CLIP2: variants seen among roughly 807,000 people sequenced by gnomAD.
CLIP2 encodes CAP-Gly domain-containing linker protein 2.
In CLIP2, 41 loss-of-function variants were observed where a neutral mutation model predicts 111.7. That is an observed-to-expected ratio of 0.37 (90% confidence interval 0.29 to 0.48). CLIP2 has a LOEUF of 0.48. Ranked by LOEUF, CLIP2 falls within the 20% of genes least tolerant of loss-of-function variation. The pLI is 0.99. For synonymous variants in CLIP2, 660 were observed against 644.2 expected, an observed-to-expected ratio of 1.02 and a Z score of -0.37; for missense variants, 1,160 against 1,422.1, an observed-to-expected ratio of 0.82 and a Z score of 2.96.
At chr7:74,367,838 A>C (rs1554311084) in intron 8 of CLIP2, among the ~76,000 whole-genome samples, 1 of 152,104 alleles carries the variant, frequency 6.6e-6, no homozygotes, top group Admixed American at 6.6e-5. Context: ...GTGCTTTGGG[A>C]GCCTGAGACA....
intron 1 of CLIP2, among the ~76,000 whole-genome samples, chr7:74,304,084 T>TTC (rs1326901170): frequency 6.6e-6 from 1 of 151,764 alleles, no homozygotes; most frequent in East Asian, 1.9e-4. Context: ...TGGCTAATTT[T>TTC]TTTTTTTTAA....
At chr7:74,345,455 A>G (rs1009632879) in intron 3 of CLIP2, among the ~76,000 whole-genome samples, 132 of 150,186 alleles carry the variant, frequency 8.8e-4, no homozygotes, top group African/African-American at 3.1e-3. Context: ...ATGGTCTTGA[A>G]CTCCTGGCCT....
chr7:74,362,876 G>A (rs1301367005), intron 7 of CLIP2, among the ~76,000 whole-genome samples: 1 of 152,070 alleles, frequency 6.6e-6, no homozygotes, highest in Non-Finnish European at 1.5e-5. Flanking sequence ...GAAGGGGCCT[G>A]GGTGCAAGTC....
chr7:74,337,454 A>C (rs1789505430), intron 2 of CLIP2, among the ~76,000 whole-genome samples: 2 of 151,970 alleles, frequency 1.3e-5, no homozygotes, highest in African/African-American at 2.4e-5. Context: ...TAGGTCCCAC[A>C]TAGGGGCCAC....
At chr7:74,352,355 T>G (rs1253974550) in intron 3 of CLIP2, among the ~76,000 whole-genome samples, 3 of 149,618 alleles carry the variant, frequency 2.0e-5, no homozygotes, top group African/African-American at 7.4e-5. Flanking sequence ...GAGAATCACT[T>G]GAACTCGGGA....
rs542250719 is a variant in CLIP2 at position 74,364,633 on chromosome 7, A to G, written c.1380+318A>G. The stretch of plus-strand genomic sequence containing the variant: ...TCCCTTCTTCTTAGGCAATAGCCCT[A>G]AAGGTGCCCCTTCGTTCATCTTGGA... On this transcript the variant is annotated intron_variant, in intron 8 of 16. Coordinates refer to ENST00000223398, the MANE Select transcript of CLIP2 (RefSeq NM_003388.5). Among the ~76,000 whole-genome samples the G allele has an allele frequency of 7.9e-5, 12 of 152,276 alleles. No homozygotes were observed. The East Asian group carries it at 1.9e-3, about 25-fold the overall frequency.
intron 3 of CLIP2, among the ~76,000 whole-genome samples, chr7:74,344,238 T>A (rs1051768905): frequency 6.6e-6 from 1 of 152,198 alleles, no homozygotes; most frequent in Admixed American, 6.6e-5. Context: ...TAGAAGTGTC[T>A]GCTAAGCCCT....
At position 74,338,216 on chromosome 7, in the gene CLIP2, C is replaced by T. The variant is rs554370108; in HGVS notation, c.122-232C>T. On this transcript the variant is annotated intron_variant, in intron 2 of 16. Coordinates refer to ENST00000223398, the MANE Select transcript of CLIP2 (RefSeq NM_003388.5). The surrounding 1 kb of genome is among the most constrained non-coding windows in gnomAD (Gnocchi z 4.3). ...GACCCTGTCTCAAAAAGTAAATAAA[C>T]AGGGGTTGGGTGTGGTGCCTCACGC... 6.6e-6 allele frequency among the ~76,000 whole-genome samples: 1 copy of T among 151,312 alleles called. No homozygotes were observed. The highest frequency in any genetic ancestry group is 2.1e-4 in the South Asian group (1 of 4,800).
intron 3 of CLIP2, among the ~76,000 whole-genome samples, chr7:74,340,463 C>T (rs1789627690): frequency 1.3e-5 from 2 of 152,110 alleles, no homozygotes; most frequent in Non-Finnish European, 2.9e-5. Flanking sequence ...GGTGCAGACA[C>T]CTTATCAGCT....
intron 5 of CLIP2, 135 bp downstream of exon 5, chr7:74,356,758 G>A (rs1790160285): frequency 2.5e-6 from 2 of 796,398 alleles, no homozygotes; most frequent in Non-Finnish European, 4.0e-6. Context: ...AGAAGAAAGT[G>A]CATATCTTTT....
At position 74,376,874 on chromosome 7, in the gene CLIP2, T is replaced by C. The variant is rs1345717774; in HGVS notation, c.2421+52T>C. On this transcript the variant is annotated intron_variant, in intron 10 of 16. Transcript: ENST00000223398. The surrounding 1 kb of genome is among the most constrained non-coding windows in gnomAD (Gnocchi z 7.1). ...CGGGAGGGTCGGGCTGGGGAGGGCT[T>C]GGCCTTTTGCTGACCTCTGTTCTGC... 2 of 1,458,146 alleles carry C rather than the reference T, an allele frequency of 1.4e-6. No homozygotes were observed. Among genetic ancestry groups the C allele is most frequent in the African/African-American group, 1.4e-5 (1 of 70,532 alleles). The allele number at this position is 1,458,146 out of a possible 1,614,324, so 90.3% of individuals were successfully genotyped here.
chr7:74,364,992 GTTGT>G (rs1448076078), intron 8 of CLIP2: 19 of 307,576 alleles, frequency 6.2e-5, no homozygotes, highest in African/African-American at 2.9e-4. Flanking sequence ...CCTGTTTTTT[GTTGT>G]GTGTGTGTGT....
At chr7:74,304,323 T>TC (rs1788418266) in intron 1 of CLIP2, among the ~76,000 whole-genome samples, 2 of 151,472 alleles carry the variant, frequency 1.3e-5, no homozygotes, top group Admixed American at 1.3e-4. Context: ...GGTCAGGAGT[T>TC]CAAGACCAGC....
intron 2 of CLIP2, among the ~76,000 whole-genome samples, chr7:74,320,186 A>G (rs1788906357): frequency 8.6e-6 from 1 of 116,000 alleles, no homozygotes; most frequent in African/African-American, 3.3e-5. Flanking sequence ...ATAGAGTGAG[A>G]TTCCATCTCA....
intron 8 of CLIP2, 90 bp downstream of exon 8, chr7:74,364,405 C>A: frequency 8.7e-7 from 1 of 1,147,912 alleles, no homozygotes; most frequent in Non-Finnish European, 1.3e-6. Flanking sequence ...AGCAGCACCT[C>A]TAGGCCCCCC....
At chr7:74,335,686 C>CCTTCCTTCCTTCCTTT (rs1789430666) in intron 2 of CLIP2, among the ~76,000 whole-genome samples, 1 of 147,492 alleles carries the variant, frequency 6.8e-6, no homozygotes. Context: ...TTGCTTCCTT[C>CCTTCCTTCCTTCCTTT]CTTTCTCTTT....
intron 1 of CLIP2, among the ~76,000 whole-genome samples, chr7:74,316,630 C>T (rs1401714237): frequency 2.0e-5 from 3 of 151,132 alleles, no homozygotes; most frequent in Admixed American, 6.6e-5. Flanking sequence ...AGCGTGACCT[C>T]GGCTTACTGC....
At chr7:74,296,793 A>AAT (rs1322233375) in intron 1 of CLIP2, among the ~76,000 whole-genome samples, 1 of 151,434 alleles carries the variant, frequency 6.6e-6, no homozygotes, top group Non-Finnish European at 1.5e-5. Flanking sequence ...TGTCTCAAAA[A>AAT]AAAAAAAAAA....
At position 74,386,553 on chromosome 7, in the gene CLIP2, G is replaced by A; in HGVS notation, c.2512G>A (p.Glu838Lys). 1 of 1,611,744 alleles carries A rather than the reference G, an allele frequency of 6.2e-7. No homozygotes were observed. The highest frequency in any genetic ancestry group is 8.5e-7 in the Non-Finnish European group (1 of 1,179,046). ...LQDKLNKRDK[E>K]VTALTSQTEM... ...GGACAAGCTGAACAAGAGGGACAAA[G>A]AGGTGACAGCCTTGACCTCCCAGAC... Residue 838 changes from glutamate to lysine, a missense_variant, in exon 12 of 17, where the codon GAG becomes AAG. Physicochemically the swap from Glu to Lys is moderately conservative, Grantham distance 56 (BLOSUM62 1). Coordinates refer to ENST00000223398, the MANE Select transcript of CLIP2 (RefSeq NM_003388.5).
Sources: allele counts gnomAD v4.1 joint callset (sites outside exome capture counted in the v4.1 genomes callset), GRCh38; gene constraint gnomAD v4.1.1; non-coding constraint Gnocchi (gnomAD v3.1); transcripts MANE v1.5; gene names NCBI Gene and HGNC (gene_info 2026-07-23, HGNC 2026-07-21).